Variants in SLC2A9 observed in about 807,000 individuals in gnomAD.
SLC2A9 encodes solute carrier family 2, facilitated glucose transporter member 9.
Under a neutral mutation model 50.6 loss-of-function variants are expected in SLC2A9, and 39 were observed. That is an observed-to-expected ratio of 0.77 (90% CI 0.60 to 1.01). The LOEUF (loss-of-function observed/expected upper bound fraction) is 1.01, where lower values mean the gene tolerates loss of function less well. Among genes scored for constraint, SLC2A9 ranks in the 50% least tolerant of loss-of-function variants. The pLI, the probability that SLC2A9 is intolerant of heterozygous loss-of-function variation, is 0.00. For missense variants in SLC2A9, 686 were observed against 677.6 expected (o/e 1.01, Z -0.14); for synonymous variants, 324 against 276.9 (o/e 1.17, Z -1.69).
chr4:9,783,087 C>T (rs1281299369), intron 3 of SLC2A9: 1 of 1,614,238 alleles, frequency 6.2e-7, no homozygotes, highest in East Asian at 2.2e-5. Flanking sequence ...GCTAACTCCT[C>T]ACTCAACCCC....
chr4:9,796,214 C>A (rs1216932315), downstream of SLC2A9, among the ~76,000 whole-genome samples: 1 of 152,132 alleles, frequency 6.6e-6, no homozygotes, highest in Non-Finnish European at 1.5e-5. Context: ...ATTTCTGTGT[C>A]TTTTTTGAGC....
chr4:9,958,284 G>C (rs775301870), intron 5 of SLC2A9, among the ~76,000 whole-genome samples: 2 of 152,190 alleles, frequency 1.3e-5, no homozygotes, highest in African/African-American at 2.4e-5. Flanking sequence ...TGCAGGAAAT[G>C]ATTTAGCAAA....
chr4:9,778,645 C>T (rs144524718), downstream of SLC2A9, among the ~76,000 whole-genome samples: 507 of 152,246 alleles, frequency 3.3e-3, 4 homozygotes, highest in African/African-American at 0.011. Context: ...CTCCCTCCTC[C>T]GGCTTTTCAG....
chr4:9,945,270 G>A (rs1341314795), intron 5 of SLC2A9, among the ~76,000 whole-genome samples: 3 of 152,242 alleles, frequency 2.0e-5, no homozygotes, highest in African/African-American at 7.2e-5. Context: ...ATGCCTCAGT[G>A]TTCTCATCTG....
At chr4:9,872,172 T>C (rs1227849534) in intron 10 of SLC2A9, among the ~76,000 whole-genome samples, 4 of 152,114 alleles carry the variant, frequency 2.6e-5, no homozygotes. Context: ...ATGGTGAAAC[T>C]GAGGCCAGAG....
At chr4:10,036,917 C>T (rs532626677) in intron 1 of SLC2A9, among the ~76,000 whole-genome samples, 3 of 152,308 alleles carry the variant, frequency 2.0e-5, no homozygotes, top group East Asian at 1.9e-4. Context: ...TGTGGCCCAC[C>T]GCTCCTCCTT....
At chr4:9,985,920 G>A in intron 3 of SLC2A9, 127 bp from the exon 4 acceptor site, 1 of 1,342,462 alleles carries the variant, frequency 7.4e-7, no homozygotes, top group South Asian at 1.2e-5. Context: ...CACAGTGCAG[G>A]GAGCACTGGC....
At chr4:9,866,501 C>A (rs1300956540) in intron 10 of SLC2A9, among the ~76,000 whole-genome samples, 1 of 152,078 alleles carries the variant, frequency 6.6e-6, no homozygotes, top group Admixed American at 6.5e-5. Flanking sequence ...TCACTTTGAC[C>A]CTGTTGATTC....
intron 10 of SLC2A9, among the ~76,000 whole-genome samples, chr4:9,855,177 T>C (rs1730541751): frequency 6.6e-6 from 1 of 152,210 alleles, no homozygotes; most frequent in African/African-American, 2.4e-5. Flanking sequence ...ACTATCTCTG[T>C]TTGCAGACAA....
intron 10 of SLC2A9, among the ~76,000 whole-genome samples, chr4:9,839,207 C>A (rs1219491155): frequency 6.6e-6 from 1 of 152,126 alleles, no homozygotes; most frequent in Non-Finnish European, 1.5e-5. Flanking sequence ...AGAAGACATA[C>A]ATGTGGTTAA....
Position 9,866,735 on chromosome 4 carries a change from C to A in SLC2A9, c.1291+20832G>T, listed in dbSNP as rs118137999. 8.0e-4 allele frequency among the ~76,000 whole-genome samples: 122 copies of A among 152,308 alleles called. 2 individuals carry two copies. In the East Asian group the frequency reaches 0.019, roughly 24 times the overall value. On this transcript the variant is annotated intron_variant, in intron 10 of 11. Transcript: ENST00000264784. ...CAGCACCTTGGACGTACTCCCCATC[C>A]ATGCGTGTGAGCTGCATCTAACTCG...
At chr4:9,782,877 G>C (rs1718670798) in intron 3 of SLC2A9, 1 of 1,613,916 alleles carries the variant, frequency 6.2e-7, no homozygotes, top group South Asian at 1.1e-5. Context: ...CCCGACACCA[G>C]CCTGCGCGCT....
At chr4:9,795,585 A>G (rs1720495734), downstream of SLC2A9, among the ~76,000 whole-genome samples, 1 of 152,198 alleles carries the variant, frequency 6.6e-6, no homozygotes, top group South Asian at 2.1e-4. Context: ...TGCATCAGAA[A>G]TGTTCTCCCT....
intron 5 of SLC2A9, among the ~76,000 whole-genome samples, chr4:9,977,679 G>T (rs189331504): frequency 5.3e-4 from 80 of 151,482 alleles, no homozygotes; most frequent in Non-Finnish European, 8.4e-4. Context: ...CTACAGACCC[G>T]CCCAGATAAA....
At chr4:9,838,668 T>C (rs1335141888) in intron 10 of SLC2A9, among the ~76,000 whole-genome samples, 2 of 152,138 alleles carry the variant, frequency 1.3e-5, no homozygotes, top group Middle Eastern at 6.8e-3. Context: ...TATAGACCAA[T>C]GGAACAAAAT....
At chr4:9,887,509 C>T (rs933642203) in intron 10 of SLC2A9, 58 bp downstream of exon 10, 38 of 1,503,048 alleles carry the variant, frequency 2.5e-5, no homozygotes, top group Non-Finnish European at 3.0e-5. Context: ...GAGAGCCCCC[C>T]AGCTTGGTGA....
intron 11 of SLC2A9, 58 bp from the exon 12 acceptor site, chr4:9,826,658 A>G: frequency 6.7e-7 from 1 of 1,497,392 alleles, no homozygotes; most frequent in South Asian, 1.1e-5. Flanking sequence ...TTGCTGTTAA[A>G]CCATCTCTAC....
intron 11 of SLC2A9, among the ~76,000 whole-genome samples, chr4:9,834,288 C>T (rs1726669958): frequency 6.6e-6 from 1 of 152,206 alleles, no homozygotes; most frequent in African/African-American, 2.4e-5. Flanking sequence ...TTTGTTACCA[C>T]TGTATCCTCA....
At chr4:9,877,471 C>A (rs1203230254) in intron 10 of SLC2A9, among the ~76,000 whole-genome samples, 1 of 152,232 alleles carries the variant, frequency 6.6e-6, no homozygotes, top group Non-Finnish European at 1.5e-5. Flanking sequence ...ATGGATTCAA[C>A]CTTGCTGGCA....
Sources: allele counts gnomAD v4.1 joint callset (sites outside exome capture counted in the v4.1 genomes callset), GRCh38; gene constraint gnomAD v4.1.1; transcripts MANE v1.5; gene names NCBI Gene and HGNC (gene_info 2026-07-23, HGNC 2026-07-21).